Variants in GSE1 observed in about 807,000 individuals in gnomAD.
The protein encoded by GSE1 is Gse1 coiled-coil protein.
Under a neutral mutation model 112.6 loss-of-function variants are expected in GSE1, and 32 were observed. The ratio of observed to expected loss-of-function variants is 0.28; its 90% CI spans 0.21 to 0.38. The LOEUF is 0.38. Among genes scored for constraint, GSE1 ranks in the 10% least tolerant of loss-of-function variants. GSE1 has a pLI of 1.00. For synonymous variants in GSE1, 1,115 were observed against 735.6 expected, an observed-to-expected ratio of 1.52 and a Z score of -8.35; for missense variants, 2,348 against 1,699.2, an observed-to-expected ratio of 1.38 and a Z score of -6.71.
chr16:85,273,848 C>T (rs1909093224), intron 1 of GSE1, among the ~76,000 whole-genome samples: 1 of 151,244 alleles, frequency 6.6e-6, no homozygotes, highest in African/African-American at 2.4e-5. Context: ...TGCCACGACA[C>T]TCGGCTAATT....
chr16:85,497,852 G>C (rs924215535), intron 2 of GSE1, among the ~76,000 whole-genome samples: 1 of 152,158 alleles, frequency 6.6e-6, no homozygotes, highest in African/African-American at 2.4e-5. Flanking sequence ...TGGCAACTCT[G>C]TTAGTCCCCA....
intron 1 of GSE1, among the ~76,000 whole-genome samples, chr16:85,343,482 C>A (rs370811992): frequency 2.6e-5 from 4 of 152,176 alleles, no homozygotes; most frequent in Admixed American, 2.0e-4. Context: ...GGCCCAGTGG[C>A]TCACACCTGT....
chr16:85,567,030 T>TCCCGCC (rs1347299803), intron 1 of GSE1, among the ~76,000 whole-genome samples: 2 of 149,876 alleles, frequency 1.3e-5, no homozygotes, highest in Non-Finnish European at 3.0e-5. Context: ...AAGGTGTTAC[T>TCCCGCC]CCCGCCCCCA....
intron 2 of GSE1, among the ~76,000 whole-genome samples, chr16:85,535,682 C>G (rs946840943): frequency 1.3e-5 from 2 of 152,186 alleles, no homozygotes; most frequent in Non-Finnish European, 1.5e-5. Context: ...TATCACTGAC[C>G]TGGAGCTGCA....
At chr16:85,320,995 T>C (rs1421432872) in intron 1 of GSE1, among the ~76,000 whole-genome samples, 1 of 152,222 alleles carries the variant, frequency 6.6e-6, no homozygotes, top group Non-Finnish European at 1.5e-5. Flanking sequence ...TTATTTAGCG[T>C]GGCTTAGTTT....
chr16:85,433,938 G>A (rs906908128), intron 2 of GSE1, among the ~76,000 whole-genome samples: 4 of 152,124 alleles, frequency 2.6e-5, no homozygotes, highest in African/African-American at 9.7e-5. Flanking sequence ...CTCTGGGAGG[G>A]GAAGCAAGAG....
chr16:85,598,457 C>G (rs926652257), intron 1 of GSE1, among the ~76,000 whole-genome samples: 1 of 152,184 alleles, frequency 6.6e-6, no homozygotes, highest in Non-Finnish European at 1.5e-5. Flanking sequence ...TGCCTCCAAA[C>G]GATGCATATT....
rs142602743 is a variant in GSE1, at chr16:85,546,077, G to A, written c.2465-87837G>A. On this transcript the variant is annotated intron_variant, in intron 2 of 2. Coordinates refer to the GSE1 transcript ENST00000637419. ...TGGGATTACAGGCGGGAGCCGCCGC[G>A]CCCAGCCATTAGTTTTTTATTTTTC... 7.0e-3 allele frequency among the ~76,000 whole-genome samples: 1,067 copies of A among 151,384 alleles called. 6 individuals are homozygous for A. Among genetic ancestry groups the A allele is most frequent in the Middle Eastern group, 0.021 (6 of 292 alleles).
intron 1 of GSE1, among the ~76,000 whole-genome samples, chr16:85,188,539 C>G (rs1169828209): frequency 6.6e-6 from 1 of 152,036 alleles, no homozygotes; most frequent in African/African-American, 2.4e-5. Flanking sequence ...GGAGGCCAGG[C>G]ACAGTGGCTC....
At chr16:85,192,582 T>C (rs935515756) in intron 1 of GSE1, among the ~76,000 whole-genome samples, 3 of 152,210 alleles carry the variant, frequency 2.0e-5, no homozygotes, top group Non-Finnish European at 4.4e-5. Context: ...GTGCTTCTGC[T>C]GCCTCCATCC....
chr16:85,315,426 G>C (rs962502521), intron 1 of GSE1, among the ~76,000 whole-genome samples: 8 of 152,150 alleles, frequency 5.3e-5, no homozygotes, highest in African/African-American at 1.9e-4. Flanking sequence ...CAGAGCCCTG[G>C]GGGTCAGGAC....
At chr16:85,515,614 G>A (rs568435725) in intron 2 of GSE1, among the ~76,000 whole-genome samples, 2 of 151,640 alleles carry the variant, frequency 1.3e-5, no homozygotes, top group African/African-American at 4.8e-5. Context: ...TTTTCTGTGT[G>A]GGGGGAGATC....
intron 2 of GSE1, among the ~76,000 whole-genome samples, chr16:85,420,294 G>A (rs2048805717): frequency 6.6e-6 from 1 of 152,168 alleles, no homozygotes; most frequent in Admixed American, 6.5e-5. Context: ...TACCTCTGGA[G>A]GGAGTGTGGC....
At chr16:85,336,241 G>C (rs2046480954) in intron 1 of GSE1, among the ~76,000 whole-genome samples, 1 of 152,196 alleles carries the variant, frequency 6.6e-6, no homozygotes, top group Admixed American at 6.5e-5. Context: ...CTCCAGCAGT[G>C]TTTGGGGATT....
intron 2 of GSE1, among the ~76,000 whole-genome samples, chr16:85,425,813 G>T (rs952812889): frequency 6.6e-6 from 1 of 152,182 alleles, no homozygotes; most frequent in South Asian, 2.1e-4. Context: ...AAAAATCCAT[G>T]GCAAGTAAAA....
chr16:85,639,560 G>T (rs1234174647), intron 2 of GSE1, among the ~76,000 whole-genome samples: 1 of 152,250 alleles, frequency 6.6e-6, no homozygotes, highest in Non-Finnish European at 1.5e-5. Flanking sequence ...CCTTGGAGGT[G>T]CTTGTTGACT....
chr16:85,552,554 G>C (rs185980684), upstream of GSE1, among the ~76,000 whole-genome samples: 1,066 of 148,664 alleles, frequency 7.2e-3, 17 homozygotes, highest in Non-Finnish European at 0.012. Context: ...GGATGGTCTC[G>C]ATCTCCTGAC....
intron 1 of GSE1, among the ~76,000 whole-genome samples, chr16:85,629,575 C>T (rs2049372892): frequency 1.3e-5 from 2 of 152,218 alleles, no homozygotes; most frequent in South Asian, 2.1e-4. Flanking sequence ...GTCATCTCAG[C>T]CCTGCTCTGC....
intron 1 of GSE1, among the ~76,000 whole-genome samples, chr16:85,307,048 A>C (rs2045698139): frequency 6.6e-6 from 1 of 151,734 alleles, no homozygotes; most frequent in South Asian, 2.1e-4. Flanking sequence ...GGAAGTGTCC[A>C]CGAGGCTGGG....
Sources: allele counts gnomAD v4.1 joint callset (sites outside exome capture counted in the v4.1 genomes callset), GRCh38; gene constraint gnomAD v4.1.1; transcripts MANE v1.5; gene names NCBI Gene and HGNC (gene_info 2026-07-23, HGNC 2026-07-21).